CAMTA1: variants seen among roughly 807,000 people sequenced by gnomAD.
CAMTA1 encodes the protein calmodulin binding transcription activator 1, also known as calmodulin-binding transcription activator 1.
A neutral mutation model predicts 170.9 loss-of-function variants in CAMTA1; 27 were observed. That is an observed-to-expected ratio of 0.16 (90% confidence interval 0.12 to 0.22). CAMTA1 has a LOEUF of 0.22. CAMTA1 is among the 10% of genes least tolerant of loss of function. CAMTA1 has a pLI of 1.00. For missense variants in CAMTA1, 1,619 were observed against 2,217.2 expected, an observed-to-expected ratio of 0.73 and a Z score of 5.42; for synonymous variants, 833 against 891.5, an observed-to-expected ratio of 0.93 and a Z score of 1.17.
At chr1:7,207,974 A>C (rs184570464) in intron 4 of CAMTA1, among the ~76,000 whole-genome samples, 60 of 152,338 alleles carry the variant, frequency 3.9e-4, no homozygotes, top group African/African-American at 1.3e-3. Flanking sequence ...ATGGGTAAGA[A>C]GTTTCCATGC....
intron 5 of CAMTA1, among the ~76,000 whole-genome samples, chr1:7,427,727 GT>G (rs1261768828): frequency 6.6e-6 from 1 of 152,192 alleles, no homozygotes; most frequent in Non-Finnish European, 1.5e-5. Context: ...GGGATGGGCT[GT>G]CCTCTCCCTC....
rs34745856 is a variant in CAMTA1 at position 6,880,383 on chromosome 1, G to GTTTTTTTTT, written c.234+55189_234+55197dup. Among the ~76,000 whole-genome samples the GTTTTTTTTT allele has an allele frequency of 2.0e-3, 136 of 67,204 alleles. 2 individuals are homozygous for GTTTTTTTTT. The highest frequency in any genetic ancestry group is 2.7e-3 in the Non-Finnish European group (100 of 37,640). 44.1% of individuals were successfully genotyped at this position (67,204 alleles called of 152,430 possible). A position where few individuals can be genotyped will look rare whatever the true frequency, so the allele number is the denominator to read the frequency against. On this transcript the variant is annotated intron_variant, in intron 3 of 22. Coordinates refer to ENST00000303635, the MANE Select transcript of CAMTA1 (RefSeq NM_015215.4). ...GCCACCAGGCCCAGCCTCTAAAAGTGTTTTTTTTTTTTTTTTTTTTTTTTG... is the reference window on the plus strand; with the variant it reads ...GCCACCAGGCCCAGCCTCTAAAAGTGTTTTTTTTTTTTTTTTTTTTTTTTTTTTTTTTTG...
intron 5 of CAMTA1, among the ~76,000 whole-genome samples, chr1:7,430,719 C>A (rs1265078712): frequency 6.6e-6 from 1 of 152,228 alleles, no homozygotes; most frequent in African/African-American, 2.4e-5. Context: ...CTCTCATTCT[C>A]TGCATGTTCA....
intron 4 of CAMTA1, among the ~76,000 whole-genome samples, chr1:7,142,405 C>T (rs1052403111): frequency 4.6e-5 from 7 of 152,186 alleles, no homozygotes; most frequent in East Asian, 1.9e-4. Flanking sequence ...CCACCCAGCT[C>T]GGCCTCCAGG....
At chr1:6,946,104 C>T (rs940283269) in intron 3 of CAMTA1, among the ~76,000 whole-genome samples, 5 of 152,196 alleles carry the variant, frequency 3.3e-5, no homozygotes, top group Non-Finnish European at 4.4e-5. Context: ...AAAGCTGCTG[C>T]ACCATCTGAA....
At chr1:7,567,129 C>T (rs565831057) in intron 6 of CAMTA1, among the ~76,000 whole-genome samples, 4 of 152,298 alleles carry the variant, frequency 2.6e-5, no homozygotes, top group East Asian at 3.9e-4. Context: ...AGCAGGGGTC[C>T]GTTCCCGGAA....
intron 11 of CAMTA1, among the ~76,000 whole-genome samples, chr1:7,723,695 G>A (rs927499927): frequency 1.6e-4 from 24 of 152,150 alleles, no homozygotes; most frequent in African/African-American, 4.8e-4. Context: ...GATGAGCAGG[G>A]TGCCTCACCT....
chr1:7,497,645 C>A (rs1049419820), intron 6 of CAMTA1, among the ~76,000 whole-genome samples: 1 of 152,160 alleles, frequency 6.6e-6, no homozygotes, highest in South Asian at 2.1e-4. Flanking sequence ...ATGAATGCTA[C>A]CACTTTCATT....
intron 11 of CAMTA1, among the ~76,000 whole-genome samples, chr1:7,683,303 G>A (rs2096228998): frequency 6.6e-6 from 1 of 151,998 alleles, no homozygotes; most frequent in Non-Finnish European, 1.5e-5. Context: ...AATGTAAAAT[G>A]CCTTTGCTTT....
intron 6 of CAMTA1, among the ~76,000 whole-genome samples, chr1:7,557,642 T>C (rs2094897502): frequency 6.6e-6 from 1 of 152,220 alleles, no homozygotes. Flanking sequence ...TTTGGCCCAT[T>C]TCTCCCCCAG....
chr1:6,955,308 C>T (rs886988854), intron 3 of CAMTA1, among the ~76,000 whole-genome samples: 4 of 152,174 alleles, frequency 2.6e-5, no homozygotes, highest in Non-Finnish European at 5.9e-5. Flanking sequence ...CCCCTCACCC[C>T]TCCACTCCTC....
intron 5 of CAMTA1, among the ~76,000 whole-genome samples, chr1:7,393,843 C>T (rs910001532): frequency 2.0e-5 from 3 of 152,072 alleles, no homozygotes; most frequent in African/African-American, 7.2e-5. Flanking sequence ...ATTAACCAAC[C>T]CCTCTTCATC....
At chr1:7,702,781 G>C (rs977426208) in intron 11 of CAMTA1, among the ~76,000 whole-genome samples, 22 of 152,232 alleles carry the variant, frequency 1.4e-4, no homozygotes, top group Admixed American at 1.4e-3. Flanking sequence ...CCAGTGCCCA[G>C]GTCGAGATTA....
chr1:7,701,408 T>C (rs1305591443), intron 11 of CAMTA1, among the ~76,000 whole-genome samples: 2 of 152,094 alleles, frequency 1.3e-5, no homozygotes, highest in East Asian at 1.9e-4. Flanking sequence ...CAACTCCCTG[T>C]ATCTGCTTTT....
chr1:7,561,582 G>A lies in CAMTA1; in HGVS notation c.511-78818G>A, dbSNP rs2094957808. 6.6e-6 allele frequency among the ~76,000 whole-genome samples: 1 copy of A among 151,986 alleles called. No individual in the cohort carries two copies. Among genetic ancestry groups the A allele is most frequent in the African/African-American group, 2.4e-5 (1 of 41,378 alleles). On this transcript the variant is annotated intron_variant, in intron 6 of 22. Transcript: ENST00000303635. This position sits in a 1 kb window ranked among gnomAD's most constrained non-coding sequence, Gnocchi z 5.3. ...CAGGGATGGGCTGGTTCAGGGAGGA[G>A]GGGAGACTGTGGGCGGCTTGCGCAG... is the stretch of plus-strand genomic sequence containing the variant.
intron 22 of CAMTA1, among the ~76,000 whole-genome samples, chr1:7,762,217 G>A (rs1164228640): frequency 1.3e-5 from 2 of 152,170 alleles, no homozygotes; most frequent in African/African-American, 4.8e-5. Context: ...TAATTGTAGT[G>A]AATTCTGGAA....
chr1:7,716,699 T>C (rs775422483), intron 11 of CAMTA1, among the ~76,000 whole-genome samples: 25 of 152,164 alleles, frequency 1.6e-4, no homozygotes, highest in Non-Finnish European at 2.1e-4. Flanking sequence ...GCCTTGCCAA[T>C]AGCAGTCCTA....
chr1:7,201,626 A>T (rs1456118957), intron 4 of CAMTA1, among the ~76,000 whole-genome samples: 1 of 152,150 alleles, frequency 6.6e-6, no homozygotes, highest in Non-Finnish European at 1.5e-5. Flanking sequence ...AATCTCCCTG[A>T]TAGCTAATAA....
chr1:7,492,974 CAA>C (rs2093746018), intron 6 of CAMTA1, among the ~76,000 whole-genome samples: 1 of 145,516 alleles, frequency 6.9e-6, no homozygotes, highest in African/African-American at 2.6e-5. Context: ...CACATGCGCT[CAA>C]ACACAAACAT....
Sources: gnomAD v4.1 joint callset for allele counts (sites outside exome capture counted in the v4.1 genomes callset) on GRCh38, gnomAD v4.1.1 for gene constraint, Gnocchi (gnomAD v3.1) non-coding constraint, MANE v1.5 for transcripts, NCBI Gene and HGNC (gene_info 2026-07-23, HGNC 2026-07-21) for gene names.